The following NHERF2 variants were observed in gnomAD, a reference collection of about 807,000 sequenced individuals.
NHERF2 encodes Na(+)/H(+) exchange regulatory cofactor NHE-RF2.
the NHERF2 span, chr16:2,037,777 G>A: frequency 6.4e-7 from 1 of 1,553,572 alleles, no homozygotes; most frequent in Admixed American, 1.9e-5. Context: ...CGTCTGGGGT[G>A]TGGGACTAGG....
the NHERF2 span, chr16:2,033,381 T>C: frequency 6.5e-7 from 1 of 1,533,300 alleles, no homozygotes; most frequent in Non-Finnish European, 8.7e-7. Flanking sequence ...CCACGCCACC[T>C]GCCCGGGCTC....
the NHERF2 span, among the ~76,000 whole-genome samples, chr16:2,037,237 A>G: frequency 1.3e-5 from 2 of 152,128 alleles, no homozygotes; most frequent in African/African-American, 4.8e-5. Context: ...ACCACCTGGT[A>G]AGGAGTTGCC....
the NHERF2 span, chr16:2,036,140 C>T: frequency 4.6e-5 from 27 of 587,830 alleles, no homozygotes; most frequent in Non-Finnish European, 7.5e-5. Context: ...CAGGCTTTGC[C>T]CAAGTTCCCA....
the NHERF2 span, among the ~76,000 whole-genome samples, chr16:2,030,452 G>A: frequency 6.6e-6 from 1 of 152,100 alleles, no homozygotes; most frequent in South Asian, 2.1e-4. Flanking sequence ...CTTGCTCCCA[G>A]CCAGGAGACC....
At chr16:2,035,287 T>G in the NHERF2 span, 54 of 523,138 alleles carry the variant, frequency 1.0e-4, no homozygotes, top group Non-Finnish European at 1.3e-4. Flanking sequence ...TCCATTGGGG[T>G]TTGGAGCGAG....
the NHERF2 span, chr16:2,036,605 T>TG: frequency 6.6e-7 from 1 of 1,522,056 alleles, no homozygotes; most frequent in South Asian, 1.2e-5. Flanking sequence ...GAACCTGAGC[T>TG]GGTGCGCCTC....
chr16:2,029,558 G>A, the NHERF2 span: 18,774 of 1,552,980 alleles, frequency 0.012, 127 homozygotes, highest in Non-Finnish European at 0.015. Context: ...CCACTGACCC[G>A]CTCCTATCGC....
At chr16:2,038,003 C>T in the NHERF2 span, 166 of 1,612,826 alleles carry the variant, frequency 1.0e-4, 1 homozygote, top group East Asian at 6.0e-4. Context: ...CTGCCTGTCT[C>T]GGGACCCTGG....
At chr16:2,036,289 G>T in the NHERF2 span, 2 of 1,568,012 alleles carry the variant, frequency 1.3e-6, no homozygotes, top group Non-Finnish European at 1.7e-6. Flanking sequence ...CGGGAGGCTG[G>T]AGCAAGAGAC....
At chr16:2,037,005 G>A in the NHERF2 span, 1 of 1,549,736 alleles carries the variant, frequency 6.5e-7, no homozygotes, top group Non-Finnish European at 8.7e-7. Context: ...CCAGGTAAGA[G>A]GGTGGGGTGC....
the NHERF2 span, chr16:2,035,699 A>G: frequency 1.0e-5 from 10 of 985,366 alleles, no homozygotes; most frequent in Non-Finnish European, 1.2e-5. Context: ...CAGAGGTAAC[A>G]TGGGGCAGGG....
chr16:2,037,528 G>T, the NHERF2 span: 1 of 1,608,710 alleles, frequency 6.2e-7, no homozygotes, highest in Non-Finnish European at 8.5e-7. Context: ...ATCTGCCCTT[G>T]GTTTCCCAGC....
the NHERF2 span, chr16:2,036,273 T>A: frequency 6.5e-7 from 1 of 1,527,446 alleles, no homozygotes; most frequent in Non-Finnish European, 8.9e-7. Flanking sequence ...GAGTGGCCTC[T>A]GGAGGCGGGA....
At chr16:2,036,338 C>T in the NHERF2 span, 2 of 1,609,290 alleles carry the variant, frequency 1.2e-6, no homozygotes, top group East Asian at 2.2e-5. Flanking sequence ...TCAGTGGGCC[C>T]CTGAGGGAGC....
chr16:2,036,852 G>C, the NHERF2 span: 3 of 1,611,948 alleles, frequency 1.9e-6, no homozygotes, highest in Non-Finnish European at 2.5e-6. Flanking sequence ...AAGCGGCTTC[G>C]GGTCACACCC....
chr16:2,033,197 C>T, the NHERF2 span: 1 of 1,463,914 alleles, frequency 6.8e-7, no homozygotes, highest in South Asian at 1.4e-5. Flanking sequence ...CATCACCCTG[C>T]TCCCCAGAGT....
chr16:2,036,907 TG>T, the NHERF2 span: 7 of 1,592,172 alleles, frequency 4.4e-6, no homozygotes, highest in Non-Finnish European at 6.0e-6. Flanking sequence ...GGGCACAGGG[TG>T]GGTGCGGTGT....
At chr16:2,029,185 A>G in the NHERF2 span, among the ~76,000 whole-genome samples, 57 of 152,348 alleles carry the variant, frequency 3.7e-4, no homozygotes, top group African/African-American at 1.3e-3. Context: ...ACTTTGAAAC[A>G]GATGGATGCA....
At chr16:2,031,902 AG>A in the NHERF2 span, among the ~76,000 whole-genome samples, 1 of 149,748 alleles carries the variant, frequency 6.7e-6, no homozygotes, top group East Asian at 2.0e-4. Flanking sequence ...ATGTTGCTCA[AG>A]CTGGTCTCGA....
Sources: allele counts gnomAD v4.1 joint callset (sites outside exome capture counted in the v4.1 genomes callset), GRCh38; gene constraint gnomAD v4.1.1; transcripts MANE v1.5; gene names NCBI Gene and HGNC (gene_info 2026-07-23, HGNC 2026-07-21).